Variants in KIZ observed in about 807,000 individuals in gnomAD.
The protein encoded by KIZ is kizuna centrosomal protein.
In KIZ, 68 loss-of-function variants were observed where a neutral mutation model predicts 79.6. The ratio of observed to expected loss-of-function variants is 0.85; its 90% CI spans 0.70 to 1.05. The LOEUF (loss-of-function observed/expected upper bound fraction) is 1.05. Among genes scored for constraint, KIZ ranks in the 50% least tolerant of loss-of-function variants. KIZ has a pLI of 0.00. For synonymous variants in KIZ, 280 were observed against 281.8 expected (o/e 0.99, Z 0.06); for missense variants, 797 against 800.4 (o/e 1.00, Z 0.05).
chr20:21,132,700 AT>A (rs1185370098), intron 2 of KIZ, among the ~76,000 whole-genome samples: 1 of 152,230 alleles, frequency 6.6e-6, no homozygotes, highest in Non-Finnish European at 1.5e-5. Context: ...AAAATATGTT[AT>A]TTTCATTATT....
Position 21,232,754 on chromosome 20 carries a change from GCATT to G in KIZ, c.1806_1809del (p.Phe603ArgfsTer32), listed in dbSNP as rs771441110. ...CACAGGTTTGAATATTGGCAGCGGT[GCATT>G]CGAGACAAAGACAGCTAACAAAATT... On this transcript the variant is annotated frameshift_variant, in exon 11 of 13. Coordinates refer to ENST00000619189, the MANE Select transcript of KIZ (RefSeq NM_018474.6). LOFTEE classifies it high-confidence loss of function. 2 of 1,584,218 alleles carry G rather than the reference GCATT, an allele frequency of 1.3e-6. No individual in the cohort carries two copies. The highest frequency in any genetic ancestry group is 3.5e-5 in the Admixed American group (2 of 57,566).
chr20:21,227,356 T>A (rs756998785), intron 9 of KIZ, among the ~76,000 whole-genome samples: 3 of 152,188 alleles, frequency 2.0e-5, no homozygotes, highest in Non-Finnish European at 4.4e-5. Context: ...CCGCTCCAGC[T>A]TCCAGTGGCC....
intron 6 of KIZ, among the ~76,000 whole-genome samples, chr20:21,185,023 A>G (rs116552316): frequency 0.014 from 2,200 of 152,318 alleles, 59 homozygotes; most frequent in African/African-American, 0.051. Flanking sequence ...AGCCCAGGCA[A>G]CAGAGCAAGA....
intron 6 of KIZ, among the ~76,000 whole-genome samples, chr20:21,164,149 G>A (rs371024805): frequency 2.4e-4 from 37 of 152,328 alleles, no homozygotes; most frequent in African/African-American, 8.4e-4. Flanking sequence ...AAAGCTGGCA[G>A]CAGTGAAAAG....
At chr20:21,179,099 G>A (rs1054594550) in intron 6 of KIZ, among the ~76,000 whole-genome samples, 1 of 151,792 alleles carries the variant, frequency 6.6e-6, no homozygotes, top group East Asian at 1.9e-4. Flanking sequence ...AAGTTTGGAA[G>A]TATTCCCTTT....
At chr20:21,155,880 T>C (rs1470907075) in intron 4 of KIZ, among the ~76,000 whole-genome samples, 1 of 152,232 alleles carries the variant, frequency 6.6e-6, no homozygotes, top group African/African-American at 2.4e-5. Context: ...TCCACATAGC[T>C]GCTTTTTCTA....
chr20:21,156,018 C>T (rs910745440), intron 4 of KIZ, among the ~76,000 whole-genome samples: 2 of 152,174 alleles, frequency 1.3e-5, no homozygotes, highest in Non-Finnish European at 2.9e-5. Context: ...CAGCCACCAG[C>T]GGTGTGACAG....
At chr20:21,217,125 A>T (rs2036323020) in intron 9 of KIZ, among the ~76,000 whole-genome samples, 1 of 152,188 alleles carries the variant, frequency 6.6e-6, no homozygotes, top group Admixed American at 6.5e-5. Flanking sequence ...AGAATATTAG[A>T]CATTAAAAAA....
chr20:21,126,225 G>T, intron 1 of KIZ, 21 bp downstream of exon 1: 1 of 1,384,474 alleles, frequency 7.2e-7, no homozygotes, highest in Admixed American at 3.2e-5. Context: ...TGGGGCGGGG[G>T]TGGGGAGTCG....
At chr20:21,218,836 A>G (rs1255918066) in intron 9 of KIZ, among the ~76,000 whole-genome samples, 1 of 152,124 alleles carries the variant, frequency 6.6e-6, no homozygotes, top group African/African-American at 2.4e-5. Context: ...TTGCTTTATA[A>G]TGAGATTTTG....
At chr20:21,201,407 A>G (rs551178350) in intron 6 of KIZ, among the ~76,000 whole-genome samples, 18 of 152,284 alleles carry the variant, frequency 1.2e-4, no homozygotes, top group African/African-American at 4.3e-4. Context: ...TTCCAGGTGC[A>G]ACTAATTCTC....
At chr20:21,199,296 TC>T in intron 6 of KIZ, among the ~76,000 whole-genome samples, 1 of 152,212 alleles carries the variant, frequency 6.6e-6, no homozygotes, top group East Asian at 1.9e-4. Context: ...AAATCAGTCT[TC>T]CATAAGAAAT....
intron 6 of KIZ, among the ~76,000 whole-genome samples, chr20:21,181,710 C>T (rs1225609544): frequency 1.3e-5 from 2 of 152,164 alleles, no homozygotes; most frequent in South Asian, 2.1e-4. Flanking sequence ...CCACCCTCCT[C>T]GGCCTCCCAA....
chr20:21,130,975 C>A (rs994157430), intron 1 of KIZ, among the ~76,000 whole-genome samples: 1 of 152,172 alleles, frequency 6.6e-6, no homozygotes, highest in Non-Finnish European at 1.5e-5. Flanking sequence ...TATTTCACAG[C>A]CTTTTGTTTA....
intron 9 of KIZ, chr20:21,226,045 A>C (rs2036643624): frequency 6.6e-6 from 1 of 152,228 alleles, no homozygotes; most frequent in Non-Finnish European, 1.5e-5. Flanking sequence ...TTCAGTGAAC[A>C]CAAAAAGTTG....
At position 21,244,307 on chromosome 20, in the gene KIZ, C is replaced by T. The variant is rs2037318589; in HGVS notation, c.1924+19C>T. ...TCTAATGGTGAGAGAGATAATCGGA[C>T]ACTAGATTTTCTTTTTCTGTTTTAA... On this transcript the variant is annotated intron_variant, in intron 12 of 12. Transcript: ENST00000619189. The T allele has an allele frequency of 6.4e-7, 1 of 1,563,404 alleles. No homozygotes were observed. Among genetic ancestry groups the T allele is most frequent in the African/African-American group, 1.4e-5 (1 of 73,504 alleles).
At chr20:21,191,691 C>T (rs1364291260) in intron 6 of KIZ, among the ~76,000 whole-genome samples, 1 of 152,074 alleles carries the variant, frequency 6.6e-6, no homozygotes, top group African/African-American at 2.4e-5. Context: ...TTTAATGTAT[C>T]TTTGTACACA....
intron 9 of KIZ, among the ~76,000 whole-genome samples, chr20:21,215,906 C>G (rs1324882369): frequency 6.6e-6 from 1 of 152,152 alleles, no homozygotes; most frequent in Non-Finnish European, 1.5e-5. Context: ...CATCATGTGC[C>G]CTTTCAGCAC....
At chr20:21,166,333 A>G (rs1327846180) in intron 6 of KIZ, 3 of 1,604,608 alleles carry the variant, frequency 1.9e-6, no homozygotes, top group East Asian at 2.2e-5. Context: ...TTATTCTGCC[A>G]TTTTTCCAGG....
Sources: allele counts gnomAD v4.1 joint callset (sites outside exome capture counted in the v4.1 genomes callset), GRCh38; gene constraint gnomAD v4.1.1; transcripts MANE v1.5; gene names NCBI Gene and HGNC (gene_info 2026-07-23, HGNC 2026-07-21).